SPMIP2: variants seen among roughly 807,000 people sequenced by gnomAD.
SPMIP2 encodes the protein protein SPMIP2.
At chr4:158,926,518 G>A in the SPMIP2 span, among the ~76,000 whole-genome samples, 1 of 152,066 alleles carries the variant, frequency 6.6e-6, no homozygotes, top group Admixed American at 6.5e-5. Flanking sequence ...TATGGCTGAA[G>A]ATGTCATCAT....
chr4:158,939,610 C>A, the SPMIP2 span, among the ~76,000 whole-genome samples: 2 of 152,282 alleles, frequency 1.3e-5, no homozygotes, highest in South Asian at 4.1e-4. Context: ...GGTTAACTTT[C>A]TTTTAATTCA....
chr4:159,051,101 T>A, the SPMIP2 span, among the ~76,000 whole-genome samples: 10 of 144,096 alleles, frequency 6.9e-5, no homozygotes, highest in African/African-American at 2.4e-4. Context: ...AGGGAAAGAC[T>A]CCGTCTCAGA....
chr4:159,016,770 CG>C, the SPMIP2 span, among the ~76,000 whole-genome samples: 35 of 152,288 alleles, frequency 2.3e-4, no homozygotes, highest in African/African-American at 8.4e-4. Context: ...CTAGGTGAGC[CG>C]CAGCTGGGCC....
At chr4:158,905,925 GTTC>G in the SPMIP2 span, 1 of 152,124 alleles carries the variant, frequency 6.6e-6, no homozygotes, top group Admixed American at 6.5e-5. Flanking sequence ...ATTAATTCCA[GTTC>G]TTTTCATGTA....
chr4:158,987,210 G>A, the SPMIP2 span, among the ~76,000 whole-genome samples: 100 of 149,016 alleles, frequency 6.7e-4, no homozygotes, highest in African/African-American at 2.4e-3. Context: ...CAACCATTGT[G>A]GAAGTCAGTG....
the SPMIP2 span, among the ~76,000 whole-genome samples, chr4:158,963,177 GAC>G: frequency 6.6e-6 from 1 of 151,972 alleles, no homozygotes; most frequent in Non-Finnish European, 1.5e-5. Context: ...AGTAGAGAGA[GAC>G]ATTAATACTA....
the SPMIP2 span, among the ~76,000 whole-genome samples, chr4:159,029,011 C>T: frequency 2.0e-5 from 3 of 152,296 alleles, no homozygotes; most frequent in East Asian, 5.8e-4. Flanking sequence ...AGGAGAATCG[C>T]TTGAATCCAG....
the SPMIP2 span, among the ~76,000 whole-genome samples, chr4:158,912,496 G>A: frequency 1.3e-5 from 2 of 152,170 alleles, no homozygotes; most frequent in East Asian, 3.8e-4. Flanking sequence ...TCAGTGCCTG[G>A]TTCTGATTCT....
the SPMIP2 span, among the ~76,000 whole-genome samples, chr4:159,002,766 G>GCGCACA: frequency 6.8e-6 from 1 of 148,092 alleles, no homozygotes; most frequent in Admixed American, 6.8e-5. Context: ...ACATATCACT[G>GCGCACA]CACACACACA....
the SPMIP2 span, among the ~76,000 whole-genome samples, chr4:159,016,246 A>G: frequency 6.6e-6 from 1 of 152,188 alleles, no homozygotes; most frequent in African/African-American, 2.4e-5. Flanking sequence ...TATTAATCAG[A>G]CCATTATGAC....
chr4:159,054,143 GGT>G, the SPMIP2 span, among the ~76,000 whole-genome samples: 1 of 151,894 alleles, frequency 6.6e-6, no homozygotes, highest in East Asian at 1.9e-4. Context: ...CATTACACCT[GGT>G]TAATTTTTTT....
At chr4:158,979,917 C>T in the SPMIP2 span, among the ~76,000 whole-genome samples, 1 of 152,040 alleles carries the variant, frequency 6.6e-6, no homozygotes, top group African/African-American at 2.4e-5. Context: ...AGCGGATCCC[C>T]TCCCCACAGA....
At chr4:158,944,567 G>A in the SPMIP2 span, among the ~76,000 whole-genome samples, 3 of 152,102 alleles carry the variant, frequency 2.0e-5, no homozygotes, top group East Asian at 1.9e-4. Context: ...CTTCAGCACA[G>A]TATTTCCATC....
the SPMIP2 span, among the ~76,000 whole-genome samples, chr4:158,980,434 C>G: frequency 0.034 from 5,192 of 152,302 alleles, 291 homozygotes; most frequent in African/African-American, 0.12. Context: ...CAGGTGTTGA[C>G]AGACACCTTG....
At chr4:159,028,733 A>G in the SPMIP2 span, among the ~76,000 whole-genome samples, 1 of 152,210 alleles carries the variant, frequency 6.6e-6, no homozygotes, top group Non-Finnish European at 1.5e-5. Context: ...CCATGCTCTA[A>G]AGTAGTTTTA....
the SPMIP2 span, among the ~76,000 whole-genome samples, chr4:158,964,555 G>A: frequency 6.6e-6 from 1 of 152,102 alleles, no homozygotes; most frequent in Non-Finnish European, 1.5e-5. Context: ...GAAAACTGAG[G>A]CATTATAAAA....
the SPMIP2 span, among the ~76,000 whole-genome samples, chr4:158,981,189 A>G: frequency 6.6e-6 from 1 of 152,244 alleles, no homozygotes; most frequent in African/African-American, 2.4e-5. Flanking sequence ...AAAGCCTCCA[A>G]GAAATATGAG....
the SPMIP2 span, among the ~76,000 whole-genome samples, chr4:159,054,262 G>A: frequency 6.6e-6 from 1 of 152,136 alleles, no homozygotes; most frequent in Non-Finnish European, 1.5e-5. Flanking sequence ...GGATTACAAA[G>A]TGTTGGGTGG....
At chr4:159,065,398 T>G in the SPMIP2 span, among the ~76,000 whole-genome samples, 1 of 152,134 alleles carries the variant, frequency 6.6e-6, no homozygotes, top group East Asian at 1.9e-4. Flanking sequence ...TTTGAAATAT[T>G]TATTCATTTA....
Sources: allele counts gnomAD v4.1 joint callset (sites outside exome capture counted in the v4.1 genomes callset), GRCh38; gene constraint gnomAD v4.1.1; transcripts MANE v1.5; gene names NCBI Gene and HGNC (gene_info 2026-07-23, HGNC 2026-07-21).